ZNF76: variants seen among roughly 807,000 people sequenced by gnomAD.
ZNF76 encodes the protein zinc finger protein 523.
ZNF76 carries 66 observed loss-of-function variants against 66.9 expected under a neutral mutation model. The ratio of observed to expected loss-of-function variants is 0.99; its 90% CI spans 0.81 to 1.21. The LOEUF (loss-of-function observed/expected upper bound fraction) is 1.21. ZNF76 is among the 50% of genes most tolerant of loss of function. The probability of loss-of-function intolerance (pLI) is 0.00; values close to 1 mark genes in which losing one functional copy is unlikely to be tolerated. For synonymous variants in ZNF76, 275 were observed against 296.1 expected, an observed-to-expected ratio of 0.93 and a Z score of 0.73; for missense variants, 729 against 760.3, an observed-to-expected ratio of 0.96 and a Z score of 0.48.
chr6:35,277,426 A>G (rs2150355388), intron 1 of ZNF76, among the ~76,000 whole-genome samples: 1 of 152,260 alleles, frequency 6.6e-6, no homozygotes, highest in Middle Eastern at 3.4e-3. Flanking sequence ...ACACACCAAA[A>G]AAGTATTTTG....
intron 1 of ZNF76, among the ~76,000 whole-genome samples, chr6:35,264,805 C>T (rs1785758317): frequency 6.6e-6 from 1 of 151,970 alleles, no homozygotes; most frequent in Admixed American, 6.6e-5. Context: ...TACCTAGTGG[C>T]CTGGGAATTG....
At chr6:35,289,767 A>G (rs1298834429) in intron 5 of ZNF76, among the ~76,000 whole-genome samples, 2 of 152,170 alleles carry the variant, frequency 1.3e-5, no homozygotes, top group Non-Finnish European at 2.9e-5. Flanking sequence ...GTCCTATCAG[A>G]TGAACCTAGG....
At chr6:35,275,084 G>A (rs1787675815) in intron 1 of ZNF76, among the ~76,000 whole-genome samples, 1 of 152,130 alleles carries the variant, frequency 6.6e-6, no homozygotes, top group South Asian at 2.1e-4. Context: ...GAACCCAGGA[G>A]GCGGAGGTTG....
In ZNF76 at chr6:35,261,952, G is replaced by T. The variant is rs555970078; in HGVS notation, c.-97+2111G>T. Among the ~76,000 whole-genome samples, 5 of 152,230 alleles carry T rather than the reference G, an allele frequency of 3.3e-5. No individual in the cohort carries two copies. The South Asian group carries it at 8.3e-4, about 25-fold the overall frequency. ...GGGAAAATATCTTCTTAGGTTCATG[G>T]CTTAGGCCCCTATAACAACAGATTT... On this transcript the variant is annotated intron_variant, in intron 1 of 13. Transcript: ENST00000373953.
Position 35,286,369 on chromosome 6 carries a change from A to G in ZNF76, c.202A>G (p.Ser68Gly), listed in dbSNP as rs1295267125. The G allele has an allele frequency of 3.1e-6, 5 of 1,614,206 alleles. No homozygotes were observed. Among genetic ancestry groups the G allele is most frequent in the Non-Finnish European group, 4.2e-6 (5 of 1,180,046 alleles). The change falls in exon 4 of 14, where the codon AGC becomes GGC. Residue 68 changes from serine to glycine, a missense_variant. Coordinates refer to ENST00000373953, the MANE Select transcript of ZNF76 (RefSeq NM_003427.5). ...TCAGCCTGTGCAGCTGGAAGATGGC[A>G]GCATGGCTTACATACACCGCACACC... ...DGQPVQLEDG[S>G]MAYIHRTPRE...
At position 35,292,377 on chromosome 6, in the gene ZNF76, G is replaced by A; in HGVS notation, c.932-177G>A. On this transcript the variant is annotated intron_variant, in intron 9 of 13. Transcript: ENST00000373953. The surrounding 1 kb of genome is among the most constrained non-coding windows in gnomAD (Gnocchi z 4.7). ...CTGGATTCAGTGGTTCAACACCTGT[G>A]TCCTCTCTGTGTTCCACTGGCCATC... The A allele has an allele frequency of 1.5e-6, 1 of 660,720 alleles. No individual in the cohort carries two copies. Among genetic ancestry groups the A allele is most frequent in the South Asian group, 1.8e-5 (1 of 55,676 alleles). The allele number at this position is 660,720 out of a possible 1,614,324, so 40.9% of individuals were successfully genotyped here.
intron 1 of ZNF76, among the ~76,000 whole-genome samples, chr6:35,271,407 G>A (rs945127183): frequency 1.3e-5 from 2 of 152,314 alleles, no homozygotes; most frequent in South Asian, 2.1e-4. Context: ...AGTGGCTCAC[G>A]CCTGTAATCC....
At chr6:35,294,326 CT>C (rs1308393436) in intron 12 of ZNF76, 129 bp from the exon 13 acceptor site, 3 of 669,270 alleles carry the variant, frequency 4.5e-6, no homozygotes, top group Non-Finnish European at 7.9e-6. Flanking sequence ...GCTAATTAAT[CT>C]GACCCATACG....
At position 35,278,429 on chromosome 6, in the gene ZNF76, G is replaced by T. The variant is rs529383829; in HGVS notation, c.-96-2627G>T. 5.3e-5 allele frequency among the ~76,000 whole-genome samples: 8 copies of T among 152,322 alleles called. No individual in the cohort carries two copies. The East Asian group carries it at 9.6e-4, about 18-fold the overall frequency. On this transcript the variant is annotated intron_variant, in intron 1 of 13. Transcript: ENST00000373953. Reference sequence around the variant, plus strand: ...TATAATTTTGCCAAGATATTGATCCGCTCGCCCCTCAGGGCTGTCAAAGCC... The same window carrying T: ...TATAATTTTGCCAAGATATTGATCCTCTCGCCCCTCAGGGCTGTCAAAGCC...
intron 2 of ZNF76, among the ~76,000 whole-genome samples, chr6:35,283,899 G>A (rs1033340827): frequency 3.3e-5 from 5 of 152,068 alleles, no homozygotes; most frequent in Non-Finnish European, 5.9e-5. Context: ...CCTTTGGTTA[G>A]TTGTAGGACT....
intron 5 of ZNF76, chr6:35,288,087 T>A: frequency 1.5e-6 from 1 of 679,808 alleles, no homozygotes; most frequent in South Asian, 1.5e-5. Flanking sequence ...TTACGCTCAC[T>A]TTTGTTTACG....
chr6:35,261,505 A>G (rs1042701496), intron 1 of ZNF76, among the ~76,000 whole-genome samples: 2 of 86,328 alleles, frequency 2.3e-5, no homozygotes, highest in African/African-American at 5.5e-5. Flanking sequence ...TTCCCTTCCC[A>G]TATTTTTGTT....
At chr6:35,260,299 A>AC (rs796397833) in intron 1 of ZNF76, among the ~76,000 whole-genome samples, 1 of 149,996 alleles carries the variant, frequency 6.7e-6, no homozygotes, top group African/African-American at 2.5e-5. Flanking sequence ...TGGCCCAGTA[A>AC]CCCCCCCGAT....
At chr6:35,266,861 C>T (rs571875632) in intron 1 of ZNF76, among the ~76,000 whole-genome samples, 2 of 124,638 alleles carry the variant, frequency 1.6e-5, no homozygotes, top group South Asian at 5.4e-4. Flanking sequence ...AGTGCAGTGG[C>T]GCCATCTCGG....
intron 1 of ZNF76, among the ~76,000 whole-genome samples, chr6:35,261,936 T>C (rs1785313332): frequency 6.6e-6 from 1 of 152,182 alleles, no homozygotes; most frequent in African/African-American, 2.4e-5. Flanking sequence ...AGGGAAAATA[T>C]CTTCTTAGGT....
intron 4 of ZNF76, chr6:35,286,853 T>TAGG (rs1452145113): frequency 1.5e-5 from 3 of 206,422 alleles, no homozygotes; most frequent in African/African-American, 6.9e-5. Context: ...CAGAACAAAG[T>TAGG]CAGACACAGT....
chr6:35,286,357 C>T lies in ZNF76; in HGVS notation c.190C>T (p.Leu64=). ...CTTTGAGGATGGTCAGCCTGTGCAG[C>T]TGGAAGATGGCAGCATGGCTTACAT... ...LSFEDGQPVQ[L]EDGSMAYIHR... Residue 64 remains leucine (L), a synonymous_variant, in exon 4 of 14, where the codon CTG becomes TTG. Coordinates refer to ENST00000373953, the MANE Select transcript of ZNF76 (RefSeq NM_003427.5). The T allele has an allele frequency of 6.2e-7, 1 of 1,614,216 alleles. No individual in the cohort carries two copies. The highest frequency in any genetic ancestry group is 8.5e-7 in the Non-Finnish European group (1 of 1,180,050).
intron 1 of ZNF76, among the ~76,000 whole-genome samples, chr6:35,280,516 T>TCCCCCCCCCC (rs5875514): frequency 5.1e-5 from 5 of 97,630 alleles, no homozygotes; most frequent in African/African-American, 1.5e-4. Flanking sequence ...TCAAGCATGA[T>TCCCCCCCCCC]CCCCCCCCCC....
intron 1 of ZNF76, among the ~76,000 whole-genome samples, chr6:35,265,393 G>A (rs951248516): frequency 2.0e-5 from 3 of 151,892 alleles, no homozygotes; most frequent in Admixed American, 2.0e-4. Flanking sequence ...TGTAATCCCA[G>A]CTACTCGGGA....
Sources: allele counts gnomAD v4.1 joint callset (sites outside exome capture counted in the v4.1 genomes callset), GRCh38; gene constraint gnomAD v4.1.1; non-coding constraint Gnocchi (gnomAD v3.1); transcripts MANE v1.5; gene names NCBI Gene and HGNC (gene_info 2026-07-23, HGNC 2026-07-21).